The following SLC26A5 variants were observed in gnomAD, a reference collection of about 807,000 sequenced individuals.
The protein encoded by SLC26A5 is prestin.
Under a neutral mutation model 81.0 loss-of-function variants are expected in SLC26A5, and 51 were observed. The observed-to-expected ratio is 0.63, with a 90% confidence interval of 0.50 to 0.80. The LOEUF (loss-of-function observed/expected upper bound fraction) is 0.80, where lower values mean the gene tolerates loss of function less well. Ranked by LOEUF, SLC26A5 falls within the 30% of genes least tolerant of loss-of-function variation. SLC26A5 has a pLI of 0.00. For synonymous variants in SLC26A5, 325 were observed against 332.8 expected, an observed-to-expected ratio of 0.98 and a Z score of 0.25; for missense variants, 771 against 905.8, an observed-to-expected ratio of 0.85 and a Z score of 1.91.
In SLC26A5 at chr7:103,374,318, A is replaced by G; in HGVS notation, c.*81T>C. The G allele has an allele frequency of 6.4e-7, 1 of 1,570,322 alleles. No individual in the cohort carries two copies. The highest frequency in any genetic ancestry group is 8.6e-7 in the Non-Finnish European group (1 of 1,158,990). On this transcript the variant is annotated 3_prime_UTR_variant, in exon 20 of 20. Transcript: ENST00000306312. ...CTAGTATTCACCCTTAGAAAAAAAA[A>G]TCTAGCGTCTAGTATTTAAAACGTG...
In SLC26A5 at chr7:103,441,234, C is replaced by T. The variant is rs146414095; in HGVS notation, c.-54+1849G>A. On this transcript the variant is annotated intron_variant, in intron 2 of 19. Coordinates refer to ENST00000306312, the MANE Select transcript of SLC26A5 (RefSeq NM_198999.3). Reference sequence around the variant, plus strand: ...CTCAACTCATGTCTGTCTCTCTTACCGATTTGACAGTCACATATATACACT... The same window carrying T: ...CTCAACTCATGTCTGTCTCTCTTACTGATTTGACAGTCACATATATACACT... Among the ~76,000 whole-genome samples, 376 of 152,206 alleles carry T rather than the reference C, an allele frequency of 2.5e-3. 4 individuals carry two copies. The highest frequency in any genetic ancestry group is 4.5e-3 in the Non-Finnish European group (309 of 68,028).
chr7:103,368,085 A>G (rs747566781), intron 19 of SLC26A5: 1 of 1,573,212 alleles, frequency 6.4e-7, no homozygotes, highest in Non-Finnish European at 8.7e-7. Context: ...AAAACTTTAA[A>G]TTGGAATCCT....
intron 2 of SLC26A5, among the ~76,000 whole-genome samples, chr7:103,430,781 G>C (rs899263948): frequency 6.6e-6 from 1 of 152,216 alleles, no homozygotes; most frequent in Non-Finnish European, 1.5e-5. Context: ...AAACTGGAGA[G>C]GTCAAGTAGG....
chr7:103,358,149 G>A (rs1820150966), intron 19 of SLC26A5, among the ~76,000 whole-genome samples: 1 of 152,152 alleles, frequency 6.6e-6, no homozygotes, highest in Admixed American at 6.5e-5. Flanking sequence ...TGAGTATACA[G>A]TTCTTTTCCC....
At chr7:103,376,290 G>C (rs1228832376) in intron 19 of SLC26A5, among the ~76,000 whole-genome samples, 2 of 151,884 alleles carry the variant, frequency 1.3e-5, no homozygotes, top group Admixed American at 1.3e-4. Context: ...TGCCCAGGCT[G>C]GTCTTGAACT....
rs771939160 is a variant in SLC26A5 at position 103,367,743 on chromosome 7, C to T, written c.2041+9065G>A. ...GACCCACATATTTAAGATTCACGCT[C>T]GTTCAATGAGTGTTGAAAGAGATAT... On this transcript the variant is annotated intron_variant, in intron 19 of 19. Coordinates refer to the SLC26A5 transcript ENST00000339444. This position sits in a 1 kb window ranked among gnomAD's most constrained non-coding sequence, Gnocchi z 6.1. The T allele has an allele frequency of 1.2e-5, 20 of 1,613,842 alleles. 1 individual carries two copies. The South Asian group carries it at 1.8e-4, about 14-fold the overall frequency.
chr7:103,384,684 C>T (rs1822049521), intron 14 of SLC26A5, among the ~76,000 whole-genome samples: 1 of 152,124 alleles, frequency 6.6e-6, no homozygotes, highest in Non-Finnish European at 1.5e-5. Context: ...ATTGCCTCAC[C>T]ACTTACTGTG....
chr7:103,399,910 T>C (rs1378661421), intron 8 of SLC26A5, among the ~76,000 whole-genome samples: 1 of 152,210 alleles, frequency 6.6e-6, no homozygotes, highest in African/African-American at 2.4e-5. Context: ...TCATCCTTTT[T>C]TATGGCTGCA....
downstream of SLC26A5, among the ~76,000 whole-genome samples, chr7:103,374,001 G>A (rs1461959814): frequency 6.6e-6 from 1 of 152,010 alleles, no homozygotes; most frequent in Non-Finnish European, 1.5e-5. Context: ...ACTGATTATA[G>A]ACAGTCTGTA....
chr7:103,443,583 T>G (rs895668234), intron 1 of SLC26A5, among the ~76,000 whole-genome samples: 3 of 152,108 alleles, frequency 2.0e-5, no homozygotes, highest in African/African-American at 7.2e-5. Context: ...GCAAGAAAAG[T>G]AGAAAAATGA....
chr7:103,360,385 A>G (rs922509469), intron 19 of SLC26A5, among the ~76,000 whole-genome samples: 5 of 152,004 alleles, frequency 3.3e-5, no homozygotes, highest in Admixed American at 6.6e-5. Context: ...GAGAATGGGT[A>G]TAATTCTTCT....
rs185656852 is a variant in SLC26A5, at chr7:103,381,690, C to A, written c.1515-1141G>T. Reference sequence around the variant, plus strand: ...CACATAATACACATACGTGCAGACACATGCATACATACCCCCACTACATGC... The same window carrying A: ...CACATAATACACATACGTGCAGACAAATGCATACATACCCCCACTACATGC... On this transcript the variant is annotated intron_variant, in intron 14 of 19. Transcript: ENST00000306312. 6.0e-5 allele frequency among the ~76,000 whole-genome samples: 9 copies of A among 151,044 alleles called. No homozygotes were observed. In the East Asian group the frequency reaches 1.8e-3, roughly 29 times the overall value.
downstream of SLC26A5, among the ~76,000 whole-genome samples, chr7:103,372,331 A>C (rs1821089791): frequency 6.6e-6 from 1 of 152,242 alleles, no homozygotes; most frequent in African/African-American, 2.4e-5. Flanking sequence ...CCATGCTAAC[A>C]ATTCTACTGG....
Position 103,392,981 on chromosome 7 carries a change from C to T in SLC26A5, c.1057G>A (p.Val353Met), listed in dbSNP as rs1822791929. The change falls in exon 10 of 20, where the codon GTG becomes ATG. Residue 353 changes from valine (V) to methionine (M), a missense_variant. By Grantham distance (21) the Val-to-Met change is conservative (BLOSUM62 1). Transcript: ENST00000306312. ...AIAIAIVGFSVTISMAKTLAN... is the reference protein window; with the variant it reads ...AIAIAIVGFSMTISMAKTLAN... ...AAGGTCTTGGCCATGGAGATGGTCA[C>T]TGAAAATCCAACGATGGCTATGGCA... is the stretch of plus-strand genomic sequence containing the variant. 1.2e-6 allele frequency: 2 copies of T among 1,613,996 alleles called. No individual in the cohort carries two copies. Among genetic ancestry groups the T allele is most frequent in the Non-Finnish European group, 1.7e-6 (2 of 1,179,894 alleles).
In SLC26A5 at chr7:103,368,129, A is replaced by T. The variant is rs572390540; in HGVS notation, c.2041+8679T>A. On this transcript the variant is annotated intron_variant, in intron 19 of 19. Transcript: ENST00000339444. ...ATAGACTTGTTAATAACCAATTCAT[A>T]AACAAATAAATGGCTTCAAAATTGT... is the stretch of plus-strand genomic sequence containing the variant. The T allele has an allele frequency of 1.0e-3, 1,347 of 1,306,280 alleles. 2 individuals are homozygous for T. The highest frequency in any genetic ancestry group is 1.3e-3 in the Non-Finnish European group (1,234 of 962,116). 80.9% of individuals were successfully genotyped at this position (1,306,280 alleles called of 1,614,324 possible).
intron 2 of SLC26A5, among the ~76,000 whole-genome samples, chr7:103,431,842 G>A (rs891270124): frequency 6.7e-6 from 1 of 148,414 alleles, no homozygotes; most frequent in African/African-American, 2.6e-5. Context: ...GAGAACTACT[G>A]CTCTAAGTAA....
chr7:103,405,578 C>T lies in SLC26A5; in HGVS notation c.888+2273G>A, dbSNP rs113811442. Among the ~76,000 whole-genome samples the T allele has an allele frequency of 4.5e-3, 681 of 152,256 alleles. 4 individuals are homozygous for T. The highest frequency in any genetic ancestry group is 0.015 in the African/African-American group (632 of 41,550). The stretch of plus-strand genomic sequence containing the variant: ...AGAAGCTTTGTCCCAGAGGGGCACC[C>T]GCCATATGCCAGCCAGAGATCCCCT... On this transcript the variant is annotated intron_variant, in intron 8 of 19. Transcript: ENST00000306312.
rs758441633 is a variant in SLC26A5, at chr7:103,367,872, C to T, written c.2041+8936G>A. The T allele has an allele frequency of 9.9e-6, 16 of 1,611,232 alleles. No individual in the cohort carries two copies. Among genetic ancestry groups the T allele is most frequent in the Middle Eastern group, 1.7e-4 (1 of 6,050 alleles). ...CTGCTCAGGCTGCTTTAATTAAGCC[C>T]GTTTATTTTCTTTTTGTTTGAAAGG... On this transcript the variant is annotated intron_variant, in intron 19 of 19. Transcript: ENST00000339444. The surrounding 1 kb of genome is among the most constrained non-coding windows in gnomAD (Gnocchi z 6.1).
At chr7:103,410,630 C>T in intron 6 of SLC26A5, 81 bp from the exon 7 acceptor site, 1 of 1,304,310 alleles carries the variant, frequency 7.7e-7, no homozygotes, top group Non-Finnish European at 1.1e-6. Flanking sequence ...TATACAAGTT[C>T]TTTCTTGACC....
Sources: gnomAD v4.1 joint callset for allele counts (sites outside exome capture counted in the v4.1 genomes callset) on GRCh38, gnomAD v4.1.1 for gene constraint, Gnocchi (gnomAD v3.1) non-coding constraint, MANE v1.5 for transcripts, NCBI Gene and HGNC (gene_info 2026-07-23, HGNC 2026-07-21) for gene names.